Variants in FCHSD1 observed in about 807,000 individuals in gnomAD.
FCHSD1 encodes the protein F-BAR and double SH3 domains protein 1.
In FCHSD1, 109 loss-of-function variants were observed where a neutral mutation model predicts 101.3. The ratio of observed to expected loss-of-function variants is 1.08; its 90% CI spans 0.92 to 1.26. The LOEUF is 1.26. Among genes scored for constraint, FCHSD1 ranks in the 50% most tolerant of loss-of-function variants. FCHSD1 has a pLI of 0.00. For synonymous variants in FCHSD1, 291 were observed against 356.8 expected (o/e 0.82, Z 2.08); for missense variants, 820 against 895.8 (o/e 0.92, Z 1.08).
rs1487975984 is a variant in FCHSD1, at chr5:141,640,406, T to C, written c.*1092A>G. The C allele has an allele frequency of 6.2e-7, 1 of 1,614,140 alleles. No homozygotes were observed. On this transcript the variant is annotated 3_prime_UTR_variant, in exon 20 of 20. Transcript: ENST00000435817. ...TCTCATTGTTGACCCCTCCCCTTTCTCTCAGGTGTCTCTACCACAGGGAGC... is the reference window on the plus strand; with the variant it reads ...TCTCATTGTTGACCCCTCCCCTTTCCCTCAGGTGTCTCTACCACAGGGAGC...
chr5:141,649,120 C>T lies in FCHSD1; in HGVS notation c.512+52G>A. 1 of 1,613,746 alleles carries T rather than the reference C, an allele frequency of 6.2e-7. No individual in the cohort carries two copies. Among genetic ancestry groups the T allele is most frequent in the South Asian group, 1.1e-5 (1 of 91,084 alleles). ...GTGACTTGGCTCCACCCCTAGACAG[C>T]CCCACCTCCCTGTTCCCCAACCTTG... On this transcript the variant is annotated intron_variant, in intron 6 of 19. Coordinates refer to ENST00000435817, the MANE Select transcript of FCHSD1 (RefSeq NM_033449.3). The surrounding 1 kb of genome is among the most constrained non-coding windows in gnomAD (Gnocchi z 4.1).
rs780774654 is a variant in FCHSD1, at chr5:141,646,255, C to G, written c.1045-64G>C. On this transcript the variant is annotated intron_variant, in intron 11 of 19. Transcript: ENST00000435817. Reference sequence around the variant, plus strand: ...CTGTGGGGCATGACTTACTATGGGACTGGTACTTTGCTAGTTGCATCACAT... The same window carrying G: ...CTGTGGGGCATGACTTACTATGGGAGTGGTACTTTGCTAGTTGCATCACAT... 6.4e-6 allele frequency: 9 copies of G among 1,402,460 alleles called. No individual in the cohort carries two copies. In the African/African-American group the frequency reaches 1.3e-4, roughly 20 times the overall value. The allele number at this position is 1,402,460 out of a possible 1,614,324, so 86.9% of individuals were successfully genotyped here.
chr5:141,643,037 CAG>C lies in FCHSD1; in HGVS notation c.1913_1914del (p.Ser638CysfsTer41). On this transcript the variant is annotated frameshift_variant, in exon 18 of 20. Coordinates refer to ENST00000435817, the MANE Select transcript of FCHSD1 (RefSeq NM_033449.3). LOFTEE classifies it high-confidence loss of function. ...ACAGGTGCAGGGGGCCCATCCAACA[CAG>C]AGGTAGGTGCAGGTGGGGAGAAGCT... ...PPSFSPPAPT[S>X]VLDGPPAPVL... is the part of the protein sequence containing the mutation. 1.9e-6 allele frequency: 3 copies of C among 1,560,978 alleles called. No individual in the cohort carries two copies. The highest frequency in any genetic ancestry group is 1.4e-5 in the African/African-American group (1 of 72,130).
chr5:141,648,137 C>T (rs779389441), intron 7 of FCHSD1, 41 bp from the exon 8 acceptor site: 2 of 1,564,446 alleles, frequency 1.3e-6, no homozygotes, highest in African/African-American at 1.4e-5. Flanking sequence ...CCCTAGACCC[C>T]CAGAGTCCTT....
chr5:141,643,567 C>T (rs940829047), intron 17 of FCHSD1, among the ~76,000 whole-genome samples: 2 of 152,212 alleles, frequency 1.3e-5, no homozygotes, highest in Admixed American at 6.5e-5. Context: ...GGCTTTGCCT[C>T]GGCGGGGCGC....
chr5:141,647,907 CA>C (rs1562391014), intron 8 of FCHSD1, 60 bp downstream of exon 8: 1 of 1,581,104 alleles, frequency 6.3e-7, no homozygotes, highest in Non-Finnish European at 8.6e-7. Flanking sequence ...GATCAAGAAG[CA>C]GGGGGAGGTC....
rs76846020 is a variant in FCHSD1, at chr5:141,648,091, G to A, written c.582C>T (p.Ser194=). ...TSLQKLSTKL[S]AQSAQYSQQL... Reference sequence around the variant, plus strand: ...GCTGGGAGTACTGGGCTGACTGGGCGGACAGCTAGGAGGGTAAACTGATGT... The same window carrying A: ...GCTGGGAGTACTGGGCTGACTGGGCAGACAGCTAGGAGGGTAAACTGATGT... Residue 194 remains serine (S), a synonymous_variant, in exon 8 of 20, where the codon TCC becomes TCT. Transcript: ENST00000435817. 7.6e-4 allele frequency: 1,232 copies of A among 1,610,654 alleles called. 13 individuals carry two copies. In the East Asian group the frequency reaches 0.021, roughly 28 times the overall value.
Position 141,641,336 on chromosome 5 carries a change from G to C in FCHSD1, c.*162C>G. 1.7e-6 allele frequency: 1 copy of C among 575,410 alleles called. No individual in the cohort carries two copies. The highest frequency in any genetic ancestry group is 4.0e-5 in the South Asian group (1 of 25,046). The allele number at this position is 575,410 out of a possible 1,614,324, so 35.6% of individuals were successfully genotyped here. On this transcript the variant is annotated 3_prime_UTR_variant, in exon 20 of 20. Coordinates refer to ENST00000435817, the MANE Select transcript of FCHSD1 (RefSeq NM_033449.3). ...ATGGGAAAAAAAGGAGTGGGTTCCA[G>C]CTCTAGAAATGGGAAGGGGCAAGTT...
rs372637256 is a variant in FCHSD1 at position 141,650,424 on chromosome 5, G to C, written c.120-20C>G. ...TAGGATCTGCGGAGATTGCAGGTCG[G>C]GGGTGAGGTGGGGGATAAGGTTATG... On this transcript the variant is annotated intron_variant, in intron 2 of 19. Transcript: ENST00000435817. 7 of 1,613,766 alleles carry C rather than the reference G, an allele frequency of 4.3e-6. No homozygotes were observed. Among genetic ancestry groups the C allele is most frequent in the Non-Finnish European group, 5.9e-6 (7 of 1,179,890 alleles).
chr5:141,643,081 G>C lies in FCHSD1; in HGVS notation c.1871C>G (p.Pro624Arg). 6.7e-7 allele frequency: 1 copy of C among 1,488,302 alleles called. No homozygotes were observed. Among genetic ancestry groups the C allele is most frequent in the South Asian group, 1.3e-5 (1 of 75,240 alleles). 92.2% of individuals were successfully genotyped at this position (1,488,302 alleles called of 1,614,324 possible). The change falls in exon 18 of 20, where the codon CCG (proline) becomes CGG (arginine). Residue 624 changes from proline (P) to arginine (R), a missense_variant. Coordinates refer to ENST00000435817, the MANE Select transcript of FCHSD1 (RefSeq NM_033449.3). ...GGAGAAGCTGGGAGGAGAAGGGGAC[G>C]GCAGCATCTGGAGGTGGGGTGGGCA... ...PELSDPEQML[P>R]SPSPPSFSPP...
Position 141,641,560 on chromosome 5 carries a change from G to C in FCHSD1, c.2011C>G (p.Arg671Gly), listed in dbSNP as rs750065628. 4 of 1,538,302 alleles carry C rather than the reference G, an allele frequency of 2.6e-6. No homozygotes were observed. The highest frequency in any genetic ancestry group is 1.4e-5 in the African/African-American group (1 of 72,854). ...TTAGCCGGCGGGGGAGGTGGTGGACGCATCTGTAGGGAACACACAGTTAGT... is the reference window on the plus strand; with the variant it reads ...TTAGCCGGCGGGGGAGGTGGTGGACCCATCTGTAGGGAACACACAGTTAGT... ...DMMAPRLRPM[R>G]PPPPPPAKAP... Residue 671 changes from arginine (R) to glycine (G), a missense_variant, in exon 20 of 20, where the codon CGT becomes GGT. Arg to Gly is a moderately radical substitution (Grantham distance 125). Transcript: ENST00000435817.
rs372761136 is a variant in FCHSD1 at position 141,644,871 on chromosome 5, G to A, written c.1512C>T (p.Asp504=). ...WLEVIEEGDA[D]EWVKARNQHG... ...GTCCCATACCCACCTTGACCCATTC[G>A]TCAGCATCTCCCTCCTCTATGACCT... Residue 504 remains aspartate, a synonymous_variant, in exon 15 of 20, where the codon GAC becomes GAT. Coordinates refer to ENST00000435817, the MANE Select transcript of FCHSD1 (RefSeq NM_033449.3). 45 of 1,613,528 alleles carry A rather than the reference G, an allele frequency of 2.8e-5. No individual in the cohort carries two copies. The Admixed American group carries it at 3.3e-4, about 12-fold the overall frequency.
At chr5:141,643,740 C>G (rs940973401) in intron 17 of FCHSD1, among the ~76,000 whole-genome samples, 1 of 151,560 alleles carries the variant, frequency 6.6e-6, no homozygotes, top group Admixed American at 6.6e-5. Context: ...CCCAGCTACT[C>G]GAGGGGCTGA....
rs769631846 is a variant in FCHSD1 at position 141,646,089 on chromosome 5, G to C, written c.1147C>G (p.Gln383Glu). ...QEVRESIRRA[Q>E]VSQVKGAARL... ...CTAACCTCAGGGGTGTGCCTCACCT[G>C]TGCCCGGCGGATGCTCTCTCGCACT... The change falls in exon 12 of 20, where the codon CAG (glutamine) becomes GAG (glutamate). Residue 383 changes from glutamine (Q) to glutamate (E), a missense_variant and splice_region_variant. Coordinates refer to ENST00000435817, the MANE Select transcript of FCHSD1 (RefSeq NM_033449.3). The C allele has an allele frequency of 1.1e-5, 18 of 1,608,838 alleles. No homozygotes were observed. The highest frequency in any genetic ancestry group is 1.9e-4 in the Middle Eastern group (1 of 5,264).
chr5:141,644,166 G>A (rs467478), intron 17 of FCHSD1, 52 bp downstream of exon 17: 325,642 of 1,503,434 alleles, frequency 0.22, 36,687 homozygotes, highest in Middle Eastern at 0.3. Context: ...TATTGGGGTG[G>A]GAGGGTCAAC....
chr5:141,639,488 G>C lies in FCHSD1; in HGVS notation c.*2010C>G, dbSNP rs148592125. 2.3e-5 allele frequency: 37 copies of C among 1,613,556 alleles called. No individual in the cohort carries two copies. The highest frequency in any genetic ancestry group is 3.0e-5 in the Non-Finnish European group (35 of 1,179,760). On this transcript the variant is annotated 3_prime_UTR_variant, in exon 20 of 20. Coordinates refer to ENST00000435817, the MANE Select transcript of FCHSD1 (RefSeq NM_033449.3). The surrounding 1 kb of genome is among the most constrained non-coding windows in gnomAD (Gnocchi z 4.4). Reference sequence around the variant, plus strand: ...GTGTGGATGCCACCTCCAGCCTGCAGGACGGAGCCCCCTCCCATCATCACA... The same window carrying C: ...GTGTGGATGCCACCTCCAGCCTGCACGACGGAGCCCCCTCCCATCATCACA...
rs41098 is a variant in FCHSD1, at chr5:141,640,533, C to A, written c.*965G>T. 351,960 of 1,601,820 alleles carry A rather than the reference C, an allele frequency of 0.22. 41,462 individuals are homozygous for A. Among genetic ancestry groups the A allele is most frequent in the African/African-American group, 0.4 (29,965 of 74,728 alleles). ...AAGCCTTTCGGCTCCCTGAACCCCC[C>A]GAGTAAACTGCAGGCTTAGCCTTTG... On this transcript the variant is annotated 3_prime_UTR_variant, in exon 20 of 20. Coordinates refer to ENST00000435817, the MANE Select transcript of FCHSD1 (RefSeq NM_033449.3).
intron 14 of FCHSD1, 37 bp downstream of exon 14, chr5:141,644,983 A>T (rs752493279): frequency 6.2e-7 from 1 of 1,613,478 alleles, no homozygotes; most frequent in South Asian, 1.1e-5. Flanking sequence ...GCTGTCCCCC[A>T]CCCTTGCCCA....
chr5:141,641,266 C>A lies in FCHSD1; in HGVS notation c.*232G>T. 2.3e-6 allele frequency: 1 copy of A among 444,016 alleles called. No individual in the cohort carries two copies. The highest frequency in any genetic ancestry group is 3.2e-5 in the East Asian group (1 of 31,186). The allele number at this position is 444,016 out of a possible 1,614,324, so 27.5% of individuals were successfully genotyped here. A position where few individuals can be genotyped will look rare whatever the true frequency, so the allele number is the denominator to read the frequency against. ...GGCATTTCACCACCCTAGATAGGGT[C>A]ATGACAGAAGAGAAGGTAGTTCCGG... is the stretch of plus-strand genomic sequence containing the variant. On this transcript the variant is annotated 3_prime_UTR_variant, in exon 20 of 20. Transcript: ENST00000435817.
Sources: gnomAD v4.1 joint callset for allele counts (sites outside exome capture counted in the v4.1 genomes callset) on GRCh38, gnomAD v4.1.1 for gene constraint, Gnocchi (gnomAD v3.1) non-coding constraint, MANE v1.5 for transcripts, NCBI Gene and HGNC (gene_info 2026-07-23, HGNC 2026-07-21) for gene names.